The following LRRC37A2 variants were observed in gnomAD, a reference collection of about 807,000 sequenced individuals.
LRRC37A2 encodes the protein leucine rich repeat containing 37 member A2, also known as leucine-rich repeat-containing protein 37A2.
LRRC37A2 carries 9 observed loss-of-function variants against 68.8 expected under a neutral mutation model. The observed-to-expected ratio is 0.13, with a 90% CI of 0.08 to 0.23. The LOEUF is 0.23. Among genes scored for constraint, LRRC37A2 ranks in the 10% least tolerant of loss-of-function variants. LRRC37A2 has a pLI of 1.00. For missense variants in LRRC37A2, 168 were observed against 950.4 expected, an observed-to-expected ratio of 0.18 and a Z score of 10.82; for synonymous variants, 63 against 367.6, an observed-to-expected ratio of 0.17 and a Z score of 9.48.
intron 6 of LRRC37A2, among the ~76,000 whole-genome samples, chr17:46,539,677 A>T (rs2054917576): frequency 1.6e-5 from 2 of 123,544 alleles, no homozygotes; most frequent in Admixed American, 9.3e-5. Flanking sequence ...GCAGAACAGG[A>T]GAATCACTTG....
the LRRC37A2 span, among the ~76,000 whole-genome samples, chr17:46,712,685 C>T: frequency 6.6e-6 from 1 of 152,126 alleles, no homozygotes; most frequent in East Asian, 1.9e-4. Context: ...TGGGAGTGAA[C>T]GAAATCACTT....
chr17:46,875,927 C>T, the LRRC37A2 span, among the ~76,000 whole-genome samples: 1 of 152,176 alleles, frequency 6.6e-6, no homozygotes, highest in East Asian at 1.9e-4. Context: ...GTTGTCATCA[C>T]TGAGTTGTGA....
At chr17:47,017,259 C>G in the LRRC37A2 span, 2 of 1,611,518 alleles carry the variant, frequency 1.2e-6, no homozygotes, top group South Asian at 1.1e-5. Flanking sequence ...GGGCCCATGG[C>G]CCCTCCTTAT....
the LRRC37A2 span, among the ~76,000 whole-genome samples, chr17:46,568,957 TTTTG>T: frequency 8.1e-6 from 1 of 123,774 alleles, no homozygotes. Context: ...TTTTTTTTTT[TTTTG>T]AGATGGAGTC....
intron 6 of LRRC37A2, among the ~76,000 whole-genome samples, chr17:46,532,004 C>T (rs1410294733): frequency 6.7e-6 from 1 of 148,852 alleles, no homozygotes; most frequent in East Asian, 1.9e-4. Context: ...TGTAGGGGGT[C>T]CACCTTCATT....
chr17:46,848,077 A>G, the LRRC37A2 span, among the ~76,000 whole-genome samples: 1 of 152,018 alleles, frequency 6.6e-6, no homozygotes, highest in Non-Finnish European at 1.5e-5. Context: ...GGAGACAGGT[A>G]GCTGCATGTG....
At chr17:46,984,274 T>G in the LRRC37A2 span, among the ~76,000 whole-genome samples, 2 of 135,712 alleles carry the variant, frequency 1.5e-5, no homozygotes, top group African/African-American at 5.5e-5. Flanking sequence ...ACCCTACAAC[T>G]AAGCTCAAAG....
At chr17:46,753,878 G>A in the LRRC37A2 span, among the ~76,000 whole-genome samples, 1 of 152,200 alleles carries the variant, frequency 6.6e-6, no homozygotes, top group South Asian at 2.1e-4. Context: ...CCTAAGTGAA[G>A]AGGCATGTAG....
the LRRC37A2 span, among the ~76,000 whole-genome samples, chr17:46,501,084 A>T: frequency 6.6e-6 from 1 of 151,298 alleles, no homozygotes; most frequent in African/African-American, 2.5e-5. Flanking sequence ...GAGACAGAAT[A>T]TCCCTGTGTT....
the LRRC37A2 span, among the ~76,000 whole-genome samples, chr17:46,794,023 C>G: frequency 1.3e-5 from 2 of 152,104 alleles, no homozygotes; most frequent in Non-Finnish European, 2.9e-5. Flanking sequence ...GGGGACATAA[C>G]CAAGACAGTG....
the LRRC37A2 span, among the ~76,000 whole-genome samples, chr17:46,849,018 T>C: frequency 6.6e-5 from 10 of 152,114 alleles, no homozygotes; most frequent in Non-Finnish European, 1.5e-4. Flanking sequence ...ATCTGGGCAG[T>C]TCTATGCAGC....
At chr17:46,937,421 C>G in the LRRC37A2 span, 1 of 152,142 alleles carries the variant, frequency 6.6e-6, no homozygotes, top group Non-Finnish European at 1.5e-5. Context: ...ATAAAATATT[C>G]TAATTTTAAG....
chr17:46,557,179 G>A, downstream of LRRC37A2: 1 of 569,252 alleles, frequency 1.8e-6, no homozygotes, highest in Non-Finnish European at 3.1e-6. Context: ...TTAGGAACTG[G>A]GGGCAGAGAC....
At chr17:46,494,938 T>G in the LRRC37A2 span, among the ~76,000 whole-genome samples, 1 of 151,070 alleles carries the variant, frequency 6.6e-6, no homozygotes, top group East Asian at 1.9e-4. Flanking sequence ...TCTTGCTGAG[T>G]TTTTATGCCC....
Position 46,551,397 on chromosome 17 carries a change from A to C in LRRC37A2, c.4809+878A>C, listed in dbSNP as rs1239615631. ...CCACCAGTCCAACCTTACTTGCCTC[A>C]TTTACCATTTCCATTATTGTGGCAG... On this transcript the variant is annotated intron_variant, in intron 11 of 14. Coordinates refer to ENST00000576629, the Ensembl canonical transcript of LRRC37A2. Among the ~76,000 whole-genome samples the C allele has an allele frequency of 2.0e-5, 3 of 150,322 alleles. No homozygotes were observed. The East Asian group carries it at 5.8e-4, about 29-fold the overall frequency.
rs376097433 is a variant in LRRC37A2, at chr17:46,548,826, C to T, written c.3687C>T (p.Asn1229=). Reference sequence around the variant, plus strand: ...AGGGGCCTGAGAAGTTAGCGGGAAACGCCGTCTACACCAAGCCTTCCTTCA... The same window carrying T: ...AGGGGCCTGAGAAGTTAGCGGGAAATGCCGTCTACACCAAGCCTTCCTTCA... The change falls in exon 10 of 15, where the codon AAC becomes AAT. Residue 1229 remains asparagine, a synonymous_variant. Transcript: ENST00000576629. 395 of 1,612,114 alleles carry T rather than the reference C, an allele frequency of 2.5e-4. 1 individual carries two copies. The highest frequency in any genetic ancestry group is 3.1e-4 in the Non-Finnish European group (366 of 1,179,714).
At chr17:46,874,685 C>G in the LRRC37A2 span, among the ~76,000 whole-genome samples, 2 of 152,214 alleles carry the variant, frequency 1.3e-5, no homozygotes, top group Admixed American at 1.3e-4. Flanking sequence ...TCAAGTGATT[C>G]TCCTGCCTCA....
the LRRC37A2 span, chr17:46,984,014 C>A: frequency 1.3e-5 from 2 of 152,342 alleles, no homozygotes; most frequent in African/African-American, 4.8e-5. Flanking sequence ...CATGACATGG[C>A]GGCTGGCTTG....
the LRRC37A2 span, chr17:46,935,251 A>G: frequency 5.6e-6 from 9 of 1,607,748 alleles, no homozygotes; most frequent in Non-Finnish European, 7.7e-6. Flanking sequence ...TTATATTTTG[A>G]TTACGTGTCC....
Sources: allele counts gnomAD v4.1 joint callset (sites outside exome capture counted in the v4.1 genomes callset), GRCh38; gene constraint gnomAD v4.1.1; transcripts MANE v1.5; gene names NCBI Gene and HGNC (gene_info 2026-07-23, HGNC 2026-07-21).